The following PCDH15 variants were observed in gnomAD, a reference collection of about 807,000 sequenced individuals.
PCDH15 encodes protocadherin-15.
A neutral mutation model predicts 178.5 loss-of-function variants in PCDH15; 129 were observed. The ratio of observed to expected loss-of-function variants is 0.72; its 90% CI spans 0.63 to 0.84. PCDH15 has a LOEUF of 0.84. PCDH15 is among the 40% of genes least tolerant of loss of function. The pLI is 0.00. For missense variants in PCDH15, 2,230 were observed against 2,099.9 expected, an observed-to-expected ratio of 1.06 and a Z score of -1.21; for synonymous variants, 800 against 732.0, an observed-to-expected ratio of 1.09 and a Z score of -1.50.
intron 13 of PCDH15, among the ~76,000 whole-genome samples, chr10:54,179,420 G>A (rs936536605): frequency 1.5e-5 from 2 of 137,666 alleles, no homozygotes; most frequent in African/African-American, 5.3e-5. Flanking sequence ...GGACTGTTGT[G>A]GGGTGGGGGG....
chr10:54,319,621 A>G (rs1224850182), intron 7 of PCDH15, among the ~76,000 whole-genome samples: 4 of 152,142 alleles, frequency 2.6e-5, no homozygotes, highest in Non-Finnish European at 5.9e-5. Flanking sequence ...TGAGTGTACC[A>G]AATGCCATTG....
intron 23 of PCDH15, among the ~76,000 whole-genome samples, chr10:53,949,648 G>T (rs2086853799): frequency 6.6e-6 from 1 of 152,066 alleles, no homozygotes; most frequent in African/African-American, 2.4e-5. Flanking sequence ...TGAGGGCTGA[G>T]ATGGAAGATT....
chr10:55,186,203 GATAA>G (rs1005933998), intron 1 of PCDH15, among the ~76,000 whole-genome samples: 5 of 151,242 alleles, frequency 3.3e-5, no homozygotes, highest in Admixed American at 2.0e-4. Context: ...TAGTCATACA[GATAA>G]ATAAAGAATG....
At position 53,966,704 on chromosome 10, in the gene PCDH15, G is replaced by A. The variant is rs184035062; in HGVS notation, c.2869-4812C>T. Among the ~76,000 whole-genome samples the A allele has an allele frequency of 4.9e-3, 749 of 151,922 alleles. 3 individuals carry two copies. The highest frequency in any genetic ancestry group is 8.2e-3 in the Non-Finnish European group (560 of 67,958). On this transcript the variant is annotated intron_variant, in intron 21 of 37. Coordinates refer to ENST00000644397, the MANE Select transcript of PCDH15 (RefSeq NM_001384140.1). Reference sequence around the variant, plus strand: ...TATAAACTTGATCACTTAAAATTATGAATTAGCATTTATTAAGTATCTTTT... The same window carrying A: ...TATAAACTTGATCACTTAAAATTATAAATTAGCATTTATTAAGTATCTTTT...
chr10:54,352,724 C>A (rs1944369552), intron 5 of PCDH15, among the ~76,000 whole-genome samples: 1 of 152,100 alleles, frequency 6.6e-6, no homozygotes, highest in African/African-American at 2.4e-5. Flanking sequence ...TTGTTAATAT[C>A]ATTGATCTGA....
At chr10:54,766,937 C>CAAA (rs200136854) in intron 1 of PCDH15, among the ~76,000 whole-genome samples, 12,515 of 145,882 alleles carry the variant, frequency 0.086, 669 homozygotes, top group Non-Finnish European at 0.12. Flanking sequence ...CTCAAAAAAA[C>CAAA]AAAAAAAAAA....
intron 2 of PCDH15, among the ~76,000 whole-genome samples, chr10:55,445,757 G>A (rs1177021028): frequency 6.6e-6 from 1 of 152,070 alleles, no homozygotes. Context: ...TCAGATGTAG[G>A]TAGGTGATGA....
chr10:55,094,985 A>T (rs1272022660), intron 2 of PCDH15, among the ~76,000 whole-genome samples: 1 of 145,550 alleles, frequency 6.9e-6, no homozygotes, highest in Non-Finnish European at 1.5e-5. Context: ...GTAGTGGAGT[A>T]GTCACTGCTC....
chr10:55,245,122 A>T (rs1298798697), intron 1 of PCDH15, among the ~76,000 whole-genome samples: 1 of 152,108 alleles, frequency 6.6e-6, no homozygotes, highest in East Asian at 1.9e-4. Flanking sequence ...CAAAGAAATC[A>T]ATCACTTTTT....
At chr10:55,077,385 TG>T (rs1841922687) in intron 2 of PCDH15, among the ~76,000 whole-genome samples, 2 of 149,330 alleles carry the variant, frequency 1.3e-5, no homozygotes, top group Non-Finnish European at 3.0e-5. Flanking sequence ...CCCTATGGTT[TG>T]GTGGTTTTCT....
rs138918061 is a variant in PCDH15, at chr10:54,480,934, G to A, written c.157+46878C>T. 4.4e-3 allele frequency among the ~76,000 whole-genome samples: 673 copies of A among 151,630 alleles called. 25 individuals are homozygous for A. The highest frequency in any genetic ancestry group is 0.039 in the Admixed American group (596 of 15,170). ...ACAGTGATTTTCATTTTTTTCTATC[G>A]ACAGTATAAACATTAGTATAGAAGT... On this transcript the variant is annotated intron_variant, in intron 3 of 37. Transcript: ENST00000644397.
Position 54,828,210 on chromosome 10 carries a change from C to T in PCDH15, c.-29+69240G>A, listed in dbSNP as rs1953161948. ...TATACCTTGGCTTGGACCCATACTACCCATTCATAGAGTGCAGGAGAGATC... is the reference window on the plus strand; with the variant it reads ...TATACCTTGGCTTGGACCCATACTATCCATTCATAGAGTGCAGGAGAGATC... On this transcript the variant is annotated intron_variant, in intron 3 of 5. Transcript: ENST00000458638. Among the ~76,000 whole-genome samples the T allele has an allele frequency of 2.0e-5, 3 of 151,830 alleles. No individual in the cohort carries two copies. In the East Asian group the frequency reaches 5.8e-4, roughly 29 times the overall value.
chr10:54,854,588 A>C (rs543000481), intron 3 of PCDH15, among the ~76,000 whole-genome samples: 1 of 152,186 alleles, frequency 6.6e-6, no homozygotes, highest in African/African-American at 2.4e-5. Flanking sequence ...GAGACCCTGG[A>C]GTGGACAGCT....
intron 2 of PCDH15, among the ~76,000 whole-genome samples, chr10:55,608,514 T>C (rs1843284299): frequency 6.6e-6 from 1 of 151,706 alleles, no homozygotes; most frequent in Non-Finnish European, 1.5e-5. Flanking sequence ...TCTCTTTTCA[T>C]ATGAATTTAC....
chr10:54,249,096 A>G (rs1212245145), intron 8 of PCDH15, among the ~76,000 whole-genome samples: 2 of 152,068 alleles, frequency 1.3e-5, no homozygotes, highest in African/African-American at 4.8e-5. Context: ...AATGATTATC[A>G]TTTTTAATAT....
At chr10:54,986,164 C>T (rs984523759) in intron 2 of PCDH15, among the ~76,000 whole-genome samples, 6 of 151,920 alleles carry the variant, frequency 3.9e-5, no homozygotes, top group South Asian at 2.1e-4. Flanking sequence ...TAGTCTTGCC[C>T]TAGCTAAAGA....
chr10:53,900,612 T>C (rs2082272256), intron 26 of PCDH15, among the ~76,000 whole-genome samples: 1 of 152,168 alleles, frequency 6.6e-6, no homozygotes, highest in African/African-American at 2.4e-5. Context: ...CAAAATCCCC[T>C]AAATGTTCAA....
intron 2 of PCDH15, among the ~76,000 whole-genome samples, chr10:55,507,779 A>G (rs1840793042): frequency 1.3e-5 from 2 of 151,646 alleles, no homozygotes; most frequent in South Asian, 4.1e-4. Context: ...GCTTAGTCAC[A>G]GAAAAGATAA....
At chr10:53,848,788 T>C (rs1453275308) in intron 28 of PCDH15, among the ~76,000 whole-genome samples, 1 of 152,068 alleles carries the variant, frequency 6.6e-6, no homozygotes, top group Non-Finnish European at 1.5e-5. Flanking sequence ...CATTGTGCAT[T>C]AATTAATTTT....
Sources: gnomAD v4.1 joint callset for allele counts (sites outside exome capture counted in the v4.1 genomes callset) on GRCh38, gnomAD v4.1.1 for gene constraint, MANE v1.5 for transcripts, NCBI Gene and HGNC (gene_info 2026-07-23, HGNC 2026-07-21) for gene names.